PRKACB: variants seen among roughly 807,000 people sequenced by gnomAD.
PRKACB encodes protein kinase cAMP-activated catalytic subunit beta, also known as cAMP-dependent protein kinase catalytic subunit beta.
In PRKACB, 16 loss-of-function variants were observed where a neutral mutation model predicts 51.4. The observed-to-expected ratio is 0.31, with a 90% CI of 0.21 to 0.47. The LOEUF is 0.47. Ranked by LOEUF, PRKACB falls within the 20% of genes least tolerant of loss-of-function variation. PRKACB has a pLI of 1.00. For synonymous variants in PRKACB, 147 were observed against 154.4 expected (o/e 0.95, Z 0.35); for missense variants, 309 against 464.5 (o/e 0.67, Z 3.08).
chr1:84,095,091 A>G (rs1210820477), intron 1 of PRKACB, among the ~76,000 whole-genome samples: 1 of 151,838 alleles, frequency 6.6e-6, no homozygotes, highest in Non-Finnish European at 1.5e-5. Context: ...ATGTAAGTGC[A>G]CTCTATGATG....
chr1:84,117,537 T>C (rs1244868289), intron 1 of PRKACB, among the ~76,000 whole-genome samples: 1 of 152,212 alleles, frequency 6.6e-6, no homozygotes, highest in Non-Finnish European at 1.5e-5. Context: ...TAGTAAGTTG[T>C]ATGTTTCCAG....
chr1:84,204,816 TA>T, intron 8 of PRKACB: 1 of 946,576 alleles, frequency 1.1e-6, no homozygotes, highest in Non-Finnish European at 1.3e-6. Flanking sequence ...TTACATTTAT[TA>T]AGAAAAACTG....
At chr1:84,177,679 C>T (rs1473855789) in intron 1 of PRKACB, among the ~76,000 whole-genome samples, 2 of 151,868 alleles carry the variant, frequency 1.3e-5, no homozygotes, top group Admixed American at 6.6e-5. Context: ...TAGTCTGAGG[C>T]TCTAGTGGAC....
chr1:84,108,361 AAAG>A (rs1408983358), intron 1 of PRKACB, among the ~76,000 whole-genome samples: 1 of 151,954 alleles, frequency 6.6e-6, no homozygotes, highest in Non-Finnish European at 1.5e-5. Flanking sequence ...TTCAGAAGAA[AAAG>A]AAGAAAAGAA....
At chr1:84,176,782 T>C (rs1265158429) in intron 1 of PRKACB, among the ~76,000 whole-genome samples, 1 of 151,934 alleles carries the variant, frequency 6.6e-6, no homozygotes, top group African/African-American at 2.4e-5. Context: ...AAGACCTTTA[T>C]AAAAACTTTT....
intron 1 of PRKACB, among the ~76,000 whole-genome samples, chr1:84,090,886 C>T (rs982117019): frequency 6.6e-6 from 1 of 152,122 alleles, no homozygotes; most frequent in South Asian, 2.1e-4. Flanking sequence ...TCACATTGTA[C>T]ATCTTTCTCT....
intron 1 of PRKACB, among the ~76,000 whole-genome samples, chr1:84,120,737 T>A (rs1466442388): frequency 6.6e-6 from 1 of 152,120 alleles, no homozygotes; most frequent in African/African-American, 2.4e-5. Context: ...TCTCATAGTT[T>A]AATTGCTGTA....
intron 1 of PRKACB, among the ~76,000 whole-genome samples, chr1:84,098,683 G>T (rs570136160): frequency 3.1e-4 from 47 of 151,980 alleles, no homozygotes; most frequent in Non-Finnish European, 5.4e-4. Context: ...ATCATAAAAA[G>T]TTAAGAGTAG....
intron 8 of PRKACB, among the ~76,000 whole-genome samples, chr1:84,206,930 A>G (rs1182064342): frequency 1.3e-5 from 2 of 152,188 alleles, no homozygotes; most frequent in Non-Finnish European, 2.9e-5. Context: ...TTTCCTAAAT[A>G]ACATACACAT....
rs1400460110 is a variant in PRKACB at position 84,179,194 on chromosome 1, A to G, written c.205A>G (p.Lys69Glu). 1 of 1,587,418 alleles carries G rather than the reference A, an allele frequency of 6.3e-7. No individual in the cohort carries two copies. Among genetic ancestry groups the G allele is most frequent in the South Asian group, 1.2e-5 (1 of 84,874 alleles). ...ATTTTCAGTGAAAGAGTTTCTAGCCAAAGCCAAAGAAGACTTTTTGAAAAA... is the reference window on the plus strand; with the variant it reads ...ATTTTCAGTGAAAGAGTTTCTAGCCGAAGCCAAAGAAGACTTTTTGAAAAA... ...WDRSMKEFLA[K>E]AKEDFLKKWE... Residue 69 changes from lysine to glutamate, a missense_variant, in exon 2 of 10, where the codon AAA becomes GAA. By Grantham distance (56) the Lys-to-Glu change is moderately conservative (BLOSUM62 1). Around this residue, in one of 3 missense-constraint regions of PRKACB, gnomAD observed 153 missense variants for 190.2 expected, o/e 0.80. Coordinates refer to ENST00000370685, the MANE Select transcript of PRKACB (RefSeq NM_182948.4).
At chr1:84,207,323 G>A (rs1270628568) in intron 8 of PRKACB, among the ~76,000 whole-genome samples, 3 of 152,144 alleles carry the variant, frequency 2.0e-5, no homozygotes, top group African/African-American at 7.2e-5. Flanking sequence ...AGATTAGAGA[G>A]CCCACAGATG....
At chr1:84,101,556 T>C (rs191308866) in intron 1 of PRKACB, among the ~76,000 whole-genome samples, 21 of 152,310 alleles carry the variant, frequency 1.4e-4, no homozygotes, top group African/African-American at 5.1e-4. Context: ...TTACATTTAT[T>C]ACTCATTCTT....
intron 1 of PRKACB, among the ~76,000 whole-genome samples, chr1:84,081,977 AG>A (rs1219327309): frequency 1.3e-5 from 2 of 152,220 alleles, no homozygotes; most frequent in East Asian, 3.8e-4. Context: ...CCAGTAGACT[AG>A]GTTCAACAAA....
chr1:84,091,489 T>G (rs757936917), intron 1 of PRKACB, among the ~76,000 whole-genome samples: 2 of 152,058 alleles, frequency 1.3e-5, no homozygotes, highest in Non-Finnish European at 2.9e-5. Flanking sequence ...TTAACTTTCT[T>G]GTTTTTTTGG....
chr1:84,117,811 C>G (rs1165991293), intron 1 of PRKACB, among the ~76,000 whole-genome samples: 2 of 152,064 alleles, frequency 1.3e-5, no homozygotes, highest in African/African-American at 2.4e-5. Context: ...GACTTTGTTT[C>G]TTTTCTTCAG....
chr1:84,180,208 A>ATATATG (rs933229907), intron 2 of PRKACB, among the ~76,000 whole-genome samples: 1 of 129,942 alleles, frequency 7.7e-6, no homozygotes, highest in African/African-American at 2.7e-5. Flanking sequence ...ATATATATAT[A>ATATATG]TGTATGATGG....
At chr1:84,218,312 A>G (rs74578451) in intron 9 of PRKACB, among the ~76,000 whole-genome samples, 1 of 151,848 alleles carries the variant, frequency 6.6e-6, no homozygotes. Flanking sequence ...CCCTTCCCCC[A>G]CACACACACA....
At chr1:84,085,375 T>A (rs1238559116) in intron 1 of PRKACB, among the ~76,000 whole-genome samples, 1 of 152,202 alleles carries the variant, frequency 6.6e-6, no homozygotes, top group Non-Finnish European at 1.5e-5. Flanking sequence ...TTCTAATACA[T>A]TCTAATATCT....
intron 1 of PRKACB, among the ~76,000 whole-genome samples, chr1:84,116,479 ACTTTTTTCAT>A (rs1160536452): frequency 6.6e-6 from 1 of 151,892 alleles, no homozygotes; most frequent in African/African-American, 2.4e-5. Context: ...ATGAGCATGG[ACTTTTTTCAT>A]CTTCAATTTC....
Sources: gnomAD v4.1 joint callset for allele counts (sites outside exome capture counted in the v4.1 genomes callset) on GRCh38, gnomAD v4.1.1 for gene constraint, gnomAD v4.1.1 regional missense constraint, MANE v1.5 for transcripts, NCBI Gene and HGNC (gene_info 2026-07-23, HGNC 2026-07-21) for gene names.